Variants in CASP10 observed in about 807,000 individuals in gnomAD.
CASP10 encodes caspase 10.
Under a neutral mutation model 48.5 loss-of-function variants are expected in CASP10, and 41 were observed. That is an observed-to-expected ratio of 0.85 (90% CI 0.66 to 1.10). The LOEUF (loss-of-function observed/expected upper bound fraction) is 1.10, where lower values mean the gene tolerates loss of function less well. CASP10 is among the 50% of genes least tolerant of loss of function. The probability of loss-of-function intolerance (pLI) is 0.00; values close to 1 mark genes in which losing one functional copy is unlikely to be tolerated. For missense variants in CASP10, 614 were observed against 614.5 expected (o/e 1.00, Z 0.01); for synonymous variants, 232 against 238.4 (o/e 0.97, Z 0.25).
intron 6 of CASP10, among the ~76,000 whole-genome samples, chr2:201,205,170 T>C (rs1945156307): frequency 6.6e-6 from 1 of 152,162 alleles, no homozygotes; most frequent in South Asian, 2.1e-4. Flanking sequence ...AGTGTGATCC[T>C]CAGTCGATGC....
intron 9 of CASP10, among the ~76,000 whole-genome samples, chr2:201,210,867 A>T (rs976532958): frequency 3.3e-5 from 5 of 152,198 alleles, no homozygotes; most frequent in Admixed American, 6.5e-5. Context: ...TTATTATTTT[A>T]AAAATTCAAC....
rs1022029866 is a variant in CASP10 at position 201,189,832 on chromosome 2, C to T, written c.441+2033C>T. 1.2e-4 allele frequency among the ~76,000 whole-genome samples: 19 copies of T among 152,072 alleles called. 1 individual carries two copies. Among genetic ancestry groups the T allele is most frequent in the Non-Finnish European group, 2.2e-4 (15 of 67,998 alleles). ...TGGGCAACATGACAAAACCCGGTCT[C>T]TACAAAAAATACAAAAATTAGCTGG... On this transcript the variant is annotated intron_variant, in intron 3 of 9. Coordinates refer to ENST00000286186, the MANE Select transcript of CASP10 (RefSeq NM_032977.4).
chr2:201,196,061 A>C (rs1225489197), intron 5 of CASP10, 113 bp downstream of exon 5: 1 of 724,892 alleles, frequency 1.4e-6, no homozygotes, highest in Non-Finnish European at 2.4e-6. Flanking sequence ...TGTACCATTT[A>C]TTGTAAATGG....
At chr2:201,222,478 A>G (rs41460947), downstream of CASP10, among the ~76,000 whole-genome samples, 809 of 152,300 alleles carry the variant, frequency 5.3e-3, 8 homozygotes, top group African/African-American at 0.018. Flanking sequence ...TGGCCTCCCA[A>G]TGGAATGAAC....
chr2:201,201,305 C>G (rs1393585277), intron 5 of CASP10, among the ~76,000 whole-genome samples: 1 of 152,066 alleles, frequency 6.6e-6, no homozygotes, highest in Non-Finnish European at 1.5e-5. Context: ...GCTGGGATTA[C>G]AGGCATGAGC....
chr2:201,209,630 T>C, intron 9 of CASP10, 68 bp downstream of exon 9: 1 of 1,480,144 alleles, frequency 6.8e-7, no homozygotes, highest in Non-Finnish European at 9.1e-7. Flanking sequence ...TTACTCTCAT[T>C]CAACACCTTT....
Position 201,209,569 on chromosome 2 carries a change from G to T in CASP10, c.1415+7G>T. The T allele has an allele frequency of 6.3e-7, 1 of 1,598,380 alleles. No individual in the cohort carries two copies. Among genetic ancestry groups the T allele is most frequent in the Non-Finnish European group, 8.5e-7 (1 of 1,175,324 alleles). ...TGAAGAAATTGGTCCCAAGGTGAGAGCTCTTTTTTTTCTTCCATTTGTAAT... is the reference window on the plus strand; with the variant it reads ...TGAAGAAATTGGTCCCAAGGTGAGATCTCTTTTTTTTCTTCCATTTGTAAT... On this transcript the variant is annotated splice_region_variant and intron_variant, in intron 9 of 9. Coordinates refer to ENST00000286186, the MANE Select transcript of CASP10 (RefSeq NM_032977.4).
At chr2:201,204,485 G>A (rs1945133990) in intron 6 of CASP10, among the ~76,000 whole-genome samples, 1 of 152,180 alleles carries the variant, frequency 6.6e-6, no homozygotes, top group Non-Finnish European at 1.5e-5. Context: ...TTAAGCACTT[G>A]TCACATACTA....
At chr2:201,202,142 T>C (rs895262121) in intron 5 of CASP10, among the ~76,000 whole-genome samples, 18 of 152,202 alleles carry the variant, frequency 1.2e-4, no homozygotes, top group Admixed American at 1.2e-3. Flanking sequence ...TGAGCCACCG[T>C]ACCCGGCCAA....
chr2:201,191,037 T>C (rs1248864903), intron 3 of CASP10, among the ~76,000 whole-genome samples: 1 of 151,904 alleles, frequency 6.6e-6, no homozygotes, highest in Non-Finnish European at 1.5e-5. Flanking sequence ...AATTTTTGTA[T>C]TTTTAGTAGA....
chr2:201,184,761 T>A (rs1485387755), intron 1 of CASP10, among the ~76,000 whole-genome samples: 1 of 152,208 alleles, frequency 6.6e-6, no homozygotes, highest in Admixed American at 6.5e-5. Context: ...CTGATTATGA[T>A]GAAATTTAGT....
intron 9 of CASP10, among the ~76,000 whole-genome samples, chr2:201,228,710 A>G (rs1014079602): frequency 2.6e-5 from 4 of 152,210 alleles, no homozygotes; most frequent in Non-Finnish European, 5.9e-5. Flanking sequence ...CTTTATCAAC[A>G]GTTTTAGGCC....
At chr2:201,186,980 G>A (rs1049672725) in intron 2 of CASP10, among the ~76,000 whole-genome samples, 3 of 152,202 alleles carry the variant, frequency 2.0e-5, no homozygotes, top group Non-Finnish European at 2.9e-5. Context: ...GAGCCACTGT[G>A]CCAGGCTGAT....
Position 201,187,692 on chromosome 2 carries a change from GGT to G in CASP10, c.348-7_348-6del. 1 of 1,596,338 alleles carries G rather than the reference GGT, an allele frequency of 6.3e-7. No individual in the cohort carries two copies. Among genetic ancestry groups the G allele is most frequent in the African/African-American group, 1.3e-5 (1 of 74,588 alleles). The stretch of plus-strand genomic sequence containing the variant: ...GTGTAAGGCTTTATTTGTCATTTTG[GGT>G]GTGTGTCTTAGAAACCTGCTCTACG... On this transcript the variant is annotated splice_polypyrimidine_tract_variant and intron_variant, in intron 2 of 9. Coordinates refer to ENST00000286186, the MANE Select transcript of CASP10 (RefSeq NM_032977.4).
intron 6 of CASP10, among the ~76,000 whole-genome samples, chr2:201,204,243 C>T (rs1443835120): frequency 6.6e-6 from 1 of 152,176 alleles, no homozygotes; most frequent in Non-Finnish European, 1.5e-5. Context: ...GAAACCATAA[C>T]CTTAGGAAAA....
intron 9 of CASP10, among the ~76,000 whole-genome samples, chr2:201,216,258 A>G (rs1945565670): frequency 6.6e-6 from 1 of 151,884 alleles, no homozygotes; most frequent in Admixed American, 6.6e-5. Flanking sequence ...AGTCCTAGCT[A>G]TTAGGGAGTC....
rs566656874 is a variant in CASP10 at position 201,229,142 on chromosome 2, G to A, written c.*59G>A. On this transcript the variant is annotated 3_prime_UTR_variant, in exon 10 of 10. Coordinates refer to the CASP10 transcript ENST00000272879. Reference sequence around the variant, plus strand: ...AGCCACATCGCCTGAGATTGACAACGCCCTACAGCAAGACGGAAACCTCCC... The same window carrying A: ...AGCCACATCGCCTGAGATTGACAACACCCTACAGCAAGACGGAAACCTCCC... 6.5e-5 allele frequency: 105 copies of A among 1,607,490 alleles called. 1 individual carries two copies. In the South Asian group the frequency reaches 6.8e-4, roughly 10 times the overall value.
At chr2:201,228,396 G>A (rs1945816862) in intron 9 of CASP10, among the ~76,000 whole-genome samples, 1 of 152,166 alleles carries the variant, frequency 6.6e-6, no homozygotes, top group African/African-American at 2.4e-5. Flanking sequence ...CAGAAGGGAT[G>A]AGAGAGTAAG....
downstream of CASP10, among the ~76,000 whole-genome samples, chr2:201,222,137 A>G (rs1352990095): frequency 1.3e-5 from 2 of 151,934 alleles, no homozygotes; most frequent in Admixed American, 6.6e-5. Flanking sequence ...AGTGAGGTTC[A>G]TGTATATTTT....
Sources: gnomAD v4.1 joint callset for allele counts (sites outside exome capture counted in the v4.1 genomes callset) on GRCh38, gnomAD v4.1.1 for gene constraint, MANE v1.5 for transcripts, NCBI Gene and HGNC (gene_info 2026-07-23, HGNC 2026-07-21) for gene names.